The following EFCAB6 variants were observed in gnomAD, a reference collection of about 807,000 sequenced individuals.
The protein encoded by EFCAB6 is EF-hand calcium binding domain 6.
In EFCAB6, 156 loss-of-function variants were observed where a neutral mutation model predicts 169.8. That is an observed-to-expected ratio of 0.92 (90% CI 0.81 to 1.05). EFCAB6 has a LOEUF of 1.05. EFCAB6 is among the 50% of genes least tolerant of loss of function. EFCAB6 has a pLI of 0.00. For missense variants in EFCAB6, 1,800 were observed against 1,829.1 expected (o/e 0.98, Z 0.29); for synonymous variants, 698 against 676.4 (o/e 1.03, Z -0.50).
intron 9 of EFCAB6, among the ~76,000 whole-genome samples, chr22:43,715,058 A>G (rs1336425699): frequency 3.3e-5 from 5 of 152,228 alleles, no homozygotes; most frequent in Non-Finnish European, 1.5e-5. Flanking sequence ...CGTCACTTCG[A>G]GTTTCATAGC....
At chr22:43,627,330 C>G (rs1354830302) in intron 19 of EFCAB6, among the ~76,000 whole-genome samples, 1 of 152,208 alleles carries the variant, frequency 6.6e-6, no homozygotes, top group Non-Finnish European at 1.5e-5. Context: ...AGCGTGCACT[C>G]TGCAGGCAGG....
At chr22:43,620,264 G>A (rs907532314) in intron 20 of EFCAB6, among the ~76,000 whole-genome samples, 1 of 151,874 alleles carries the variant, frequency 6.6e-6, no homozygotes, top group African/African-American at 2.4e-5. Flanking sequence ...AGCTGTGATC[G>A]CACCACCACG....
intron 27 of EFCAB6, among the ~76,000 whole-genome samples, chr22:43,543,882 AGGCCTCTCTTCT>A (rs2047891867): frequency 6.6e-6 from 1 of 152,102 alleles, no homozygotes; most frequent in Non-Finnish European, 1.5e-5. Context: ...CCAAGTCCAC[AGGCCTCTCTTCT>A]GGCCTCTCCT....
chr22:43,626,473 T>C lies in EFCAB6; in HGVS notation c.2439A>G (p.Thr813=). 1.9e-6 allele frequency: 3 copies of C among 1,614,218 alleles called. No individual in the cohort carries two copies. In the Admixed American group the frequency reaches 5.0e-5, roughly 27 times the overall value. The change falls in exon 20 of 32, where the codon ACA becomes ACG. Residue 813 remains threonine (T), a synonymous_variant. Coordinates refer to ENST00000262726, the MANE Select transcript of EFCAB6 (RefSeq NM_022785.4). ...TAATGAGTCTTTGAGGCGCTTCATC[T>C]GTTCTCCATGGTCTCTTCTCACACA... The part of the protein sequence containing the change: ...QNLCEKRPWR[T]DEAPQRLIRP...
chr22:43,555,475 A>C (rs543711957), intron 26 of EFCAB6, among the ~76,000 whole-genome samples: 78 of 152,334 alleles, frequency 5.1e-4, no homozygotes, highest in Middle Eastern at 3.4e-3. Context: ...GAGGCCAGGG[A>C]ATGAACAGGG....
rs767974016 is a variant in EFCAB6 at position 43,600,266 on chromosome 22, TAAAAC to T, written c.2682-8_2682-4del. ...GCCCTTTTCCCTCGGTGTCGTATCT[TAAAAC>T]AAAAACAAAAACAGAAAGCACTTCT... On this transcript the variant is annotated splice_region_variant and splice_polypyrimidine_tract_variant and intron_variant, in intron 22 of 31. Coordinates refer to ENST00000262726, the MANE Select transcript of EFCAB6 (RefSeq NM_022785.4). The T allele has an allele frequency of 4.3e-6, 7 of 1,612,966 alleles. No individual in the cohort carries two copies. Among genetic ancestry groups the T allele is most frequent in the Non-Finnish European group, 5.1e-6 (6 of 1,179,584 alleles).
At chr22:43,712,338 A>AT (rs34697378) in intron 9 of EFCAB6, among the ~76,000 whole-genome samples, 115,791 of 151,970 alleles carry the variant, frequency 0.76, 44,269 homozygotes, top group East Asian at 0.86. Context: ...TCTGAATTCA[A>AT]TTTTTTCCTG....
At chr22:43,726,246 A>T (rs185453051) in intron 8 of EFCAB6, among the ~76,000 whole-genome samples, 9 of 151,528 alleles carry the variant, frequency 5.9e-5, no homozygotes, top group Admixed American at 3.3e-4. Flanking sequence ...ACCTAAAGAA[A>T]TAAGCAGAAG....
intron 2 of EFCAB6, among the ~76,000 whole-genome samples, chr22:43,800,061 A>C (rs1219329508): frequency 6.6e-6 from 1 of 152,244 alleles, no homozygotes; most frequent in Non-Finnish European, 1.5e-5. Context: ...TGGGACTACC[A>C]TCTCCAGCTC....
At chr22:43,673,962 G>A (rs1375610305) in intron 13 of EFCAB6, among the ~76,000 whole-genome samples, 11 of 142,922 alleles carry the variant, frequency 7.7e-5, no homozygotes, top group East Asian at 6.1e-4. Context: ...GCAAGACTCC[G>A]TCTCAAAAAA....
chr22:43,672,186 T>C, intron 14 of EFCAB6, 53 bp from the exon 15 acceptor site: 1 of 1,613,810 alleles, frequency 6.2e-7, no homozygotes, highest in East Asian at 2.2e-5. Flanking sequence ...TAACCTCTTG[T>C]AACAGTAACC....
At chr22:43,731,877 A>C in intron 7 of EFCAB6, 66 bp from the exon 8 acceptor site, 1 of 983,240 alleles carries the variant, frequency 1.0e-6, no homozygotes, top group Admixed American at 2.9e-5. Flanking sequence ...TTTGTTACTA[A>C]GGTATCCTTT....
intron 30 of EFCAB6, among the ~76,000 whole-genome samples, chr22:43,531,512 T>G (rs1437641177): frequency 6.6e-6 from 1 of 152,190 alleles, no homozygotes; most frequent in Non-Finnish European, 1.5e-5. Context: ...TTCATTTAGG[T>G]GCTATTAGAT....
At chr22:43,762,436 C>A (rs1379609843) in intron 5 of EFCAB6, among the ~76,000 whole-genome samples, 2 of 152,194 alleles carry the variant, frequency 1.3e-5, no homozygotes, top group African/African-American at 4.8e-5. Context: ...ATGCTCCCTT[C>A]TCTAGATCCC....
At chr22:43,668,005 T>C (rs1316520440) in intron 16 of EFCAB6, among the ~76,000 whole-genome samples, 1 of 152,198 alleles carries the variant, frequency 6.6e-6, no homozygotes, top group Non-Finnish European at 1.5e-5. Flanking sequence ...GAAAGCTACA[T>C]TTTATGAAAT....
intron 3 of EFCAB6, among the ~76,000 whole-genome samples, chr22:43,777,066 G>C (rs1369351439): frequency 5.3e-5 from 8 of 152,336 alleles, no homozygotes; most frequent in African/African-American, 1.9e-4. Flanking sequence ...TATCGGATCT[G>C]TAGCTGACAA....
chr22:43,567,433 T>C (rs2049518707), intron 26 of EFCAB6, among the ~76,000 whole-genome samples: 1 of 152,178 alleles, frequency 6.6e-6, no homozygotes, highest in Non-Finnish European at 1.5e-5. Flanking sequence ...TTACTGAACA[T>C]TAAACATGCA....
In EFCAB6 at chr22:43,795,031, GGCCCTGTACAGCCCCTT is replaced by G. The variant is rs1308150695; in HGVS notation, c.-7-12723_-7-12707del. Among the ~76,000 whole-genome samples the G allele has an allele frequency of 6.6e-6, 1 of 152,138 alleles. No homozygotes were observed. The highest frequency in any genetic ancestry group is 2.4e-5 in the African/African-American group (1 of 41,410). On this transcript the variant is annotated intron_variant, in intron 2 of 31. Coordinates refer to ENST00000262726, the MANE Select transcript of EFCAB6 (RefSeq NM_022785.4). This position sits in a 1 kb window ranked among gnomAD's most constrained non-coding sequence, Gnocchi z 4.2. ...TCTCCCTCCACCAAGGAGCTCCCCAGGCCCTGTACAGCCCCTTGCCCTGCCCGAACCTCATCGTCACA... is the reference window on the plus strand; with the variant it reads ...TCTCCCTCCACCAAGGAGCTCCCCAGGCCCTGCCCGAACCTCATCGTCACA...
At chr22:43,741,198 C>T (rs1328558019) in intron 6 of EFCAB6, among the ~76,000 whole-genome samples, 1 of 152,150 alleles carries the variant, frequency 6.6e-6, no homozygotes, top group African/African-American at 2.4e-5. Context: ...CACCCCACCC[C>T]CTCCTCTCCC....
Sources: allele counts gnomAD v4.1 joint callset (sites outside exome capture counted in the v4.1 genomes callset), GRCh38; gene constraint gnomAD v4.1.1; non-coding constraint Gnocchi (gnomAD v3.1); transcripts MANE v1.5; gene names NCBI Gene and HGNC (gene_info 2026-07-23, HGNC 2026-07-21).